EDARADD: variants seen among roughly 807,000 people sequenced by gnomAD.
The protein encoded by EDARADD is EDAR associated via death domain, also known as ectodysplasin-A receptor-associated adapter protein.
Under a neutral mutation model 25.6 loss-of-function variants are expected in EDARADD, and 20 were observed. That is an observed-to-expected ratio of 0.78 (90% CI 0.55 to 1.14). EDARADD has a LOEUF of 1.14. Ranked by LOEUF, EDARADD falls within the 50% of genes most tolerant of loss-of-function variation. The pLI, the probability that EDARADD is intolerant of heterozygous loss-of-function variation, is 0.00. For synonymous variants in EDARADD, 86 were observed against 94.4 expected, an observed-to-expected ratio of 0.91 and a Z score of 0.52; for missense variants, 225 against 270.1, an observed-to-expected ratio of 0.83 and a Z score of 1.17.
chr1:236,465,351 T>C (rs749000540), intron 4 of EDARADD, among the ~76,000 whole-genome samples: 3 of 152,192 alleles, frequency 2.0e-5, no homozygotes, highest in Non-Finnish European at 4.4e-5. Context: ...CCCCAGTGTA[T>C]TCACCTGTCT....
chr1:236,350,522 G>A (rs1023532882), intron 2 of EDARADD, among the ~76,000 whole-genome samples: 4 of 152,172 alleles, frequency 2.6e-5, no homozygotes, highest in Admixed American at 6.5e-5. Flanking sequence ...TCATCCTCCC[G>A]CCTCGGCCTC....
chr1:236,391,340 C>A (rs1468842775), upstream of EDARADD, among the ~76,000 whole-genome samples: 1 of 152,168 alleles, frequency 6.6e-6, no homozygotes, highest in Admixed American at 6.5e-5. Context: ...GAAGTTAGTA[C>A]AACTGCCTTA....
chr1:236,438,787 T>TC (rs1412151680), intron 4 of EDARADD, among the ~76,000 whole-genome samples: 1 of 152,146 alleles, frequency 6.6e-6, no homozygotes, highest in Non-Finnish European at 1.5e-5. Flanking sequence ...ACCCCCATTG[T>TC]CAGCATCCTG....
intron 5 of EDARADD, among the ~76,000 whole-genome samples, chr1:236,473,628 T>C (rs1659420580): frequency 6.6e-6 from 1 of 151,906 alleles, no homozygotes; most frequent in South Asian, 2.1e-4. Context: ...TACCAAAAAA[T>C]CAAAAAATTA....
chr1:236,458,665 C>T (rs1417279863), intron 4 of EDARADD, among the ~76,000 whole-genome samples: 8 of 99,930 alleles, frequency 8.0e-5, no homozygotes, highest in South Asian at 3.0e-4. Flanking sequence ...TTTTTTGAGA[C>T]GGAGTTTCAC....
intron 3 of EDARADD, among the ~76,000 whole-genome samples, chr1:236,368,367 T>C (rs1283917702): frequency 1.3e-5 from 2 of 152,134 alleles, no homozygotes; most frequent in Non-Finnish European, 2.9e-5. Flanking sequence ...GATTTCTCAT[T>C]GTATAACCAT....
chr1:236,383,938 G>C (rs1667327376), intron 3 of EDARADD, among the ~76,000 whole-genome samples: 1 of 152,174 alleles, frequency 6.6e-6, no homozygotes, highest in African/African-American at 2.4e-5. Context: ...GGTAGGTCGA[G>C]GCTGCAGTGA....
intron 4 of EDARADD, among the ~76,000 whole-genome samples, chr1:236,447,030 G>A (rs1658558590): frequency 6.6e-6 from 1 of 152,148 alleles, no homozygotes; most frequent in South Asian, 2.1e-4. Flanking sequence ...GCAGGGCAGG[G>A]CAGGTCACCA....
chr1:236,418,525 G>A (rs893159069), intron 3 of EDARADD, among the ~76,000 whole-genome samples: 2 of 152,204 alleles, frequency 1.3e-5, no homozygotes, highest in Non-Finnish European at 1.5e-5. Context: ...GATTACAGGC[G>A]TGAGCCACCG....
chr1:236,420,153 T>C (rs935548889), intron 3 of EDARADD, among the ~76,000 whole-genome samples: 8 of 152,092 alleles, frequency 5.3e-5, no homozygotes, highest in Non-Finnish European at 8.8e-5. Context: ...GCCACTGCAC[T>C]CCACCCTGGA....
chr1:236,483,799 C>T lies in EDARADD; in HGVS notation c.*1150C>T, dbSNP rs879087533. 6.9e-6 allele frequency: 10 copies of T among 1,443,772 alleles called. No individual in the cohort carries two copies. The highest frequency in any genetic ancestry group is 4.2e-5 in the African/African-American group (3 of 71,370). 89.4% of individuals were successfully genotyped at this position (1,443,772 alleles called of 1,614,324 possible). On this transcript the variant is annotated 3_prime_UTR_variant, in exon 6 of 6. Transcript: ENST00000334232. ...GCCACCGGTGTGGGGGATGGAGGCG[C>T]GTTTGCTCCCAACATCCTGGAGAAT... is the stretch of plus-strand genomic sequence containing the variant.
chr1:236,478,424 T>C (rs2103040369), intron 5 of EDARADD, among the ~76,000 whole-genome samples: 1 of 150,058 alleles, frequency 6.7e-6, no homozygotes, highest in Admixed American at 6.7e-5. Context: ...TATATATATA[T>C]ATCTGGATGG....
At chr1:236,464,633 A>G (rs1285003697) in intron 4 of EDARADD, among the ~76,000 whole-genome samples, 1 of 151,668 alleles carries the variant, frequency 6.6e-6, no homozygotes, top group Non-Finnish European at 1.5e-5. Flanking sequence ...GGGTTTTGCC[A>G]TGTTGGCCAG....
chr1:236,481,532 G>A (rs936863606), intron 5 of EDARADD, among the ~76,000 whole-genome samples: 1 of 151,706 alleles, frequency 6.6e-6, no homozygotes, highest in Admixed American at 6.6e-5. Flanking sequence ...GGAGGTCAAG[G>A]TGGGCAGATC....
At chr1:236,476,192 T>TTAAA (rs1659497075) in intron 5 of EDARADD, among the ~76,000 whole-genome samples, 3 of 121,188 alleles carry the variant, frequency 2.5e-5, no homozygotes, top group African/African-American at 9.5e-5. Flanking sequence ...AGACTCCATC[T>TTAAA]CAAATAAATA....
chr1:236,370,718 G>A (rs2102993464), intron 3 of EDARADD, among the ~76,000 whole-genome samples: 1 of 152,292 alleles, frequency 6.6e-6, no homozygotes, highest in African/African-American at 2.4e-5. Flanking sequence ...GATCCATCAA[G>A]TGCAGGGTTG....
At chr1:236,419,901 T>G (rs137904939) in intron 3 of EDARADD, among the ~76,000 whole-genome samples, 2 of 152,292 alleles carry the variant, frequency 1.3e-5, no homozygotes, top group Non-Finnish European at 2.9e-5. Flanking sequence ...TGCTAATGCA[T>G]GGACGGTGAC....
intron 4 of EDARADD, among the ~76,000 whole-genome samples, chr1:236,442,044 G>A: frequency 6.6e-6 from 1 of 152,068 alleles, no homozygotes; most frequent in East Asian, 1.9e-4. Flanking sequence ...AACTGATGAA[G>A]GTAGCTATAC....
At position 236,483,665 on chromosome 1, in the gene EDARADD, G is replaced by A; in HGVS notation, c.*1016G>A. 1 of 1,574,940 alleles carries A rather than the reference G, an allele frequency of 6.3e-7. No individual in the cohort carries two copies. The highest frequency in any genetic ancestry group is 1.3e-5 in the African/African-American group (1 of 74,158). On this transcript the variant is annotated 3_prime_UTR_variant, in exon 6 of 6. Transcript: ENST00000334232. ...CTGTCACCAAGCTGGCCATGCAGGA[G>A]TTCATGGTCCTCCCAGTCGGTGCAG...
Sources: allele counts gnomAD v4.1 joint callset (sites outside exome capture counted in the v4.1 genomes callset), GRCh38; gene constraint gnomAD v4.1.1; transcripts MANE v1.5; gene names NCBI Gene and HGNC (gene_info 2026-07-23, HGNC 2026-07-21).